ENPP2: variants seen among roughly 807,000 people sequenced by gnomAD.
ENPP2 encodes the protein autotaxin.
ENPP2 carries 51 observed loss-of-function variants against 120.2 expected under a neutral mutation model. The ratio of observed to expected loss-of-function variants is 0.42; its 90% CI spans 0.34 to 0.54. The LOEUF is 0.54. Ranked by LOEUF, ENPP2 falls within the 20% of genes least tolerant of loss-of-function variation. The pLI is 0.04. For synonymous variants in ENPP2, 365 were observed against 366.4 expected (o/e 1.00, Z 0.04); for missense variants, 920 against 1,066.5 (o/e 0.86, Z 1.91).
intron 1 of ENPP2, among the ~76,000 whole-genome samples, chr8:119,657,282 C>T (rs909559330): frequency 1.3e-5 from 2 of 152,154 alleles, no homozygotes; most frequent in South Asian, 2.1e-4. Flanking sequence ...ATAATTTGAT[C>T]AAGGCCACAT....
At chr8:119,641,446 T>G (rs1817285173), upstream of ENPP2, among the ~76,000 whole-genome samples, 1 of 152,240 alleles carries the variant, frequency 6.6e-6, no homozygotes, top group Non-Finnish European at 1.5e-5. Flanking sequence ...GCTATGGTGT[T>G]TAAGATTTTG....
At chr8:119,640,535 T>C (rs1817248422), upstream of ENPP2, among the ~76,000 whole-genome samples, 1 of 152,202 alleles carries the variant, frequency 6.6e-6, no homozygotes, top group African/African-American at 2.4e-5. Context: ...CTTTGTCTGA[T>C]ATTTGATTGT....
At chr8:119,606,607 A>G (rs1390051333) in intron 9 of ENPP2, among the ~76,000 whole-genome samples, 7 of 140,422 alleles carry the variant, frequency 5.0e-5, no homozygotes, top group African/African-American at 1.8e-4. Context: ...AAACCTCTTT[A>G]AAAAAAAAAA....
intron 2 of ENPP2, among the ~76,000 whole-genome samples, chr8:119,636,786 T>A (rs890607048): frequency 4.6e-5 from 7 of 152,114 alleles, no homozygotes; most frequent in African/African-American, 1.7e-4. Context: ...CCTGGGATTT[T>A]TTTTTTTTAA....
At chr8:119,647,462 A>G (rs545292481) in intron 1 of ENPP2, among the ~76,000 whole-genome samples, 2 of 152,318 alleles carry the variant, frequency 1.3e-5, no homozygotes, top group East Asian at 3.9e-4. Flanking sequence ...GACTTGTAGT[A>G]CTTCCTCTGT....
intron 24 of ENPP2, among the ~76,000 whole-genome samples, chr8:119,560,331 G>A (rs963627566): frequency 6.6e-6 from 1 of 152,134 alleles, no homozygotes; most frequent in East Asian, 1.9e-4. Context: ...TTATACGGAG[G>A]CATTACATCC....
At chr8:119,627,515 T>C (rs556531110) in intron 2 of ENPP2, among the ~76,000 whole-genome samples, 3 of 152,182 alleles carry the variant, frequency 2.0e-5, no homozygotes, top group Admixed American at 6.5e-5. Context: ...TTTAATCATA[T>C]GTATGTAGAA....
intron 21 of ENPP2, among the ~76,000 whole-genome samples, chr8:119,568,995 A>G (rs556986109): frequency 1.3e-5 from 2 of 151,840 alleles, no homozygotes; most frequent in Middle Eastern, 6.8e-3. Flanking sequence ...ATTCTCATTT[A>G]ATAATGTAAG....
chr8:119,630,404 G>A (rs911564400), intron 2 of ENPP2, among the ~76,000 whole-genome samples: 2 of 151,962 alleles, frequency 1.3e-5, no homozygotes, highest in African/African-American at 2.4e-5. Context: ...CACCACATCC[G>A]GCCTATTTCT....
chr8:119,586,151 A>C (rs1171888580), intron 15 of ENPP2, 35 bp downstream of exon 15: 2 of 1,600,886 alleles, frequency 1.2e-6, no homozygotes, highest in Non-Finnish European at 8.5e-7. Context: ...GTGGTTGTGG[A>C]AATGAGAAAC....
chr8:119,640,113 T>A (rs2130848913), upstream of ENPP2, among the ~76,000 whole-genome samples: 1 of 152,326 alleles, frequency 6.6e-6, no homozygotes, highest in Non-Finnish European at 1.5e-5. Context: ...AGGCCTGGGT[T>A]TCATTACAGA....
At chr8:119,580,042 A>ATG in intron 19 of ENPP2, 74 bp downstream of exon 19, 1 of 967,848 alleles carries the variant, frequency 1.0e-6, no homozygotes, top group South Asian at 1.3e-5. Context: ...TTACACTATA[A>ATG]TGTAAATAAG....
chr8:119,571,966 C>G (rs909576565), intron 19 of ENPP2: 20 of 507,426 alleles, frequency 3.9e-5, no homozygotes, highest in African/African-American at 3.4e-4. Context: ...CAAGCCTGTT[C>G]TGGGTAGTTC....
intron 13 of ENPP2, among the ~76,000 whole-genome samples, chr8:119,588,664 T>C (rs1223361115): frequency 6.6e-6 from 1 of 152,096 alleles, no homozygotes; most frequent in Non-Finnish European, 1.5e-5. Context: ...GTTGGCACTC[T>C]GACACTCAAG....
intron 8 of ENPP2, among the ~76,000 whole-genome samples, 183 bp from the exon 9 acceptor site, chr8:119,608,160 A>T (rs927650479): frequency 1.3e-5 from 2 of 152,242 alleles, no homozygotes; most frequent in Non-Finnish European, 2.9e-5. Context: ...CACAAATGTT[A>T]TTCAATATAT....
At chr8:119,563,087 A>G (rs1814108710) in intron 23 of ENPP2, 74 bp from the exon 24 acceptor site, 6 of 1,307,570 alleles carry the variant, frequency 4.6e-6, no homozygotes, top group Middle Eastern at 4.9e-4. Flanking sequence ...ATGGTGATCA[A>G]TGAATATTGC....
chr8:119,652,391 C>T (rs1264183588), intron 1 of ENPP2, among the ~76,000 whole-genome samples: 2 of 152,120 alleles, frequency 1.3e-5, no homozygotes, highest in African/African-American at 4.8e-5. Flanking sequence ...TGTTAAGATG[C>T]CATATCCTGA....
upstream of ENPP2, among the ~76,000 whole-genome samples, chr8:119,643,570 G>A (rs768231532): frequency 9.2e-5 from 14 of 152,098 alleles, no homozygotes; most frequent in Non-Finnish European, 1.5e-4. Context: ...ATCTACACAT[G>A]AGCCCCGACA....
At chr8:119,665,284 G>A (rs1343582068) in intron 1 of ENPP2, among the ~76,000 whole-genome samples, 1 of 152,188 alleles carries the variant, frequency 6.6e-6, no homozygotes, top group East Asian at 1.9e-4. Flanking sequence ...TGGGTTCACA[G>A]TGTATCCCAA....
Sources: allele counts gnomAD v4.1 joint callset (sites outside exome capture counted in the v4.1 genomes callset), GRCh38; gene constraint gnomAD v4.1.1; transcripts MANE v1.5; gene names NCBI Gene and HGNC (gene_info 2026-07-23, HGNC 2026-07-21).